Variants in PXT1 observed in about 807,000 individuals in gnomAD.
PXT1 encodes the protein peroxisomal testis enriched protein 1.
In PXT1, 11 loss-of-function variants were observed where a neutral mutation model predicts 11.0. The ratio of observed to expected loss-of-function variants is 1.00; its 90% CI spans 0.63 to 1.66. The LOEUF is 1.66. PXT1 is among the 40% of genes most tolerant of loss of function. PXT1 has a pLI of 0.00. For synonymous variants in PXT1, 43 were observed against 51.4 expected, an observed-to-expected ratio of 0.84 and a Z score of 0.70; for missense variants, 141 against 155.5, an observed-to-expected ratio of 0.91 and a Z score of 0.49.
intron 3 of PXT1, among the ~76,000 whole-genome samples, chr6:36,400,839 G>A (rs146443468): frequency 6.7e-4 from 102 of 152,138 alleles, no homozygotes; most frequent in African/African-American, 2.0e-3. Context: ...ATGTGGTGAC[G>A]GGTGCCTGTA....
At chr6:36,433,837 A>AAAAAAAAAAG (rs10677902) in intron 2 of PXT1, among the ~76,000 whole-genome samples, 11 of 132,852 alleles carry the variant, frequency 8.3e-5, no homozygotes, top group Non-Finnish European at 1.4e-4. Flanking sequence ...AAAAAAAAAA[A>AAAAAAAAAAG]AAAGAAAAGA....
intron 4 of PXT1, among the ~76,000 whole-genome samples, chr6:36,398,526 A>T (rs1774173398): frequency 6.6e-6 from 1 of 152,226 alleles, no homozygotes; most frequent in South Asian, 2.1e-4. Context: ...ATCGTACAAT[A>T]GAATATTCAA....
intron 3 of PXT1, among the ~76,000 whole-genome samples, chr6:36,407,165 T>A (rs950580102): frequency 1.3e-5 from 2 of 152,196 alleles, no homozygotes; most frequent in Non-Finnish European, 2.9e-5. Context: ...AAAAGTTCAA[T>A]GTAAAACAGA....
intron 4 of PXT1, among the ~76,000 whole-genome samples, chr6:36,395,851 A>C (rs991508123): frequency 4.0e-5 from 6 of 151,842 alleles, no homozygotes; most frequent in African/African-American, 1.5e-4. Context: ...AAATACAAAA[A>C]AATTACCCAG....
intron 3 of PXT1, among the ~76,000 whole-genome samples, chr6:36,417,096 A>C (rs1295029107): frequency 6.6e-6 from 1 of 152,240 alleles, no homozygotes; most frequent in Non-Finnish European, 1.5e-5. Flanking sequence ...CTGTAATCCC[A>C]GCACTTTGGG....
chr6:36,410,703 T>C (rs1774360894), intron 3 of PXT1, among the ~76,000 whole-genome samples: 1 of 152,212 alleles, frequency 6.6e-6, no homozygotes, highest in South Asian at 2.1e-4. Flanking sequence ...CAGAAGCTTC[T>C]TGATGGACGT....
rs564250770 is a variant in PXT1, at chr6:36,407,372, A to G, written c.170-6788T>C. 2.0e-5 allele frequency among the ~76,000 whole-genome samples: 3 copies of G among 152,360 alleles called. No individual in the cohort carries two copies. In the South Asian group the frequency reaches 6.2e-4, roughly 32 times the overall value. On this transcript the variant is annotated intron_variant, in intron 3 of 4. Coordinates refer to ENST00000454782, the MANE Select transcript of PXT1 (RefSeq NM_152990.4). ...TGGAGGCAAAAAAATTCCTTTAACAAGATTCAAAATGAATGAAAAAAGTAA... is the reference window on the plus strand; with the variant it reads ...TGGAGGCAAAAAAATTCCTTTAACAGGATTCAAAATGAATGAAAAAAGTAA...
intron 3 of PXT1, among the ~76,000 whole-genome samples, chr6:36,417,629 G>A (rs1255565601): frequency 6.0e-5 from 9 of 150,082 alleles, no homozygotes; most frequent in African/African-American, 1.2e-4. Context: ...TTAGCCGGGC[G>A]TGGTGGTGTA....
Position 36,391,513 on chromosome 6 carries a change from G to A in PXT1, c.*257C>T. ...CCACAGCGCTGGTGTTTTCTGGGCAGCAAGGCTTCCTGGGGTCCTAATTAC... is the reference window on the plus strand; with the variant it reads ...CCACAGCGCTGGTGTTTTCTGGGCAACAAGGCTTCCTGGGGTCCTAATTAC... On this transcript the variant is annotated 3_prime_UTR_variant, in exon 5 of 5. Coordinates refer to ENST00000454782, the MANE Select transcript of PXT1 (RefSeq NM_152990.4). 2.2e-6 allele frequency: 1 copy of A among 458,290 alleles called. No homozygotes were observed. Among genetic ancestry groups the A allele is most frequent in the Non-Finnish European group, 3.9e-6 (1 of 257,066 alleles). The allele number at this position is 458,290 out of a possible 1,614,324, so 28.4% of individuals were successfully genotyped here. A position where few individuals can be genotyped will look rare whatever the true frequency, so the allele number is the denominator to read the frequency against.
intron 3 of PXT1, 109 bp downstream of exon 3, chr6:36,425,805 A>T (rs1039760835): frequency 1.2e-3 from 415 of 335,518 alleles, no homozygotes; most frequent in Non-Finnish European, 1.5e-3. Context: ...AAAAACAAAA[A>T]ATATATATAT....
Position 36,435,640 on chromosome 6 carries a change from G to T in PXT1, c.-10+3127C>A, listed in dbSNP as rs527687302. On this transcript the variant is annotated intron_variant, in intron 2 of 4. Transcript: ENST00000454782. ...CAAAATATGTCTCCAGGATGAAAAG[G>T]CCCAGAACAACAAATGGAAAAGACC... Among the ~76,000 whole-genome samples, 3 of 152,054 alleles carry T rather than the reference G, an allele frequency of 2.0e-5. 1 individual carries two copies. Among genetic ancestry groups the T allele is most frequent in the African/African-American group, 7.2e-5 (3 of 41,486 alleles).
At chr6:36,441,688 A>G (rs1774869349) in intron 1 of PXT1, among the ~76,000 whole-genome samples, 1 of 152,356 alleles carries the variant, frequency 6.6e-6, no homozygotes, top group East Asian at 1.9e-4. Flanking sequence ...GATAAACACA[A>G]TACAGTCCTG....
intron 2 of PXT1, among the ~76,000 whole-genome samples, chr6:36,437,916 T>A (rs1418595114): frequency 6.7e-6 from 1 of 149,260 alleles, no homozygotes; most frequent in Non-Finnish European, 1.5e-5. Flanking sequence ...ACGTCCCGGG[T>A]TCAAGTGATT....
intron 4 of PXT1, 111 bp from the exon 5 acceptor site, chr6:36,391,985 C>G: frequency 1.4e-6 from 1 of 717,022 alleles, no homozygotes; most frequent in Non-Finnish European, 2.3e-6. Flanking sequence ...TCAATCCATG[C>G]TGCAAACAAG....
chr6:36,415,448 A>C (rs1231108889), intron 3 of PXT1, among the ~76,000 whole-genome samples: 1 of 152,016 alleles, frequency 6.6e-6, no homozygotes, highest in African/African-American at 2.4e-5. Flanking sequence ...TGTCTCAAAA[A>C]ATTAATTAAT....
intron 3 of PXT1, among the ~76,000 whole-genome samples, chr6:36,414,642 C>T (rs572864536): frequency 2.0e-5 from 3 of 152,268 alleles, no homozygotes; most frequent in South Asian, 4.1e-4. Context: ...ACCCCTAAGT[C>T]CCAGACTGTT....
At chr6:36,400,358 G>C in intron 4 of PXT1, 96 bp downstream of exon 4, 1 of 1,402,806 alleles carries the variant, frequency 7.1e-7, no homozygotes, top group African/African-American at 1.4e-5. Flanking sequence ...CATTAATTCT[G>C]ATAATTCCTG....
At chr6:36,414,710 A>AT (rs1254173429) in intron 3 of PXT1, among the ~76,000 whole-genome samples, 2 of 152,160 alleles carry the variant, frequency 1.3e-5, no homozygotes, top group Non-Finnish European at 2.9e-5. Flanking sequence ...ACAACATGGA[A>AT]AAAAAATGAG....
intron 1 of PXT1, among the ~76,000 whole-genome samples, chr6:36,441,147 C>A (rs972993555): frequency 6.6e-6 from 1 of 150,722 alleles, no homozygotes; most frequent in Non-Finnish European, 1.5e-5. Flanking sequence ...ATATACAAAT[C>A]TACGGGAAGG....
Sources: gnomAD v4.1 joint callset for allele counts (sites outside exome capture counted in the v4.1 genomes callset) on GRCh38, gnomAD v4.1.1 for gene constraint, MANE v1.5 for transcripts, NCBI Gene and HGNC (gene_info 2026-07-23, HGNC 2026-07-21) for gene names.